The following SIX4 variants were observed in gnomAD, a reference collection of about 807,000 sequenced individuals.
SIX4 encodes the protein SIX homeobox 4, also known as homeobox protein SIX4.
SIX4 carries 23 observed loss-of-function variants against 51.5 expected under a neutral mutation model. That is an observed-to-expected ratio of 0.45 (90% confidence interval 0.32 to 0.63). The LOEUF is 0.63. Among genes scored for constraint, SIX4 ranks in the 30% least tolerant of loss-of-function variants. The pLI is 0.04. For missense variants in SIX4, 867 were observed against 984.0 expected (o/e 0.88, Z 1.59); for synonymous variants, 413 against 417.3 (o/e 0.99, Z 0.13).
In SIX4 at chr14:60,723,273, T is replaced by C. The variant is rs1311367457; in HGVS notation, c.802A>G (p.Ser268Gly). Residue 268 changes from serine (S) to glycine (G), a missense_variant, in exon 1 of 3, where the codon AGC (serine) becomes GGC (glycine). By Grantham distance (56) the Ser-to-Gly change is moderately conservative. Coordinates refer to ENST00000216513, the MANE Select transcript of SIX4 (RefSeq NM_017420.5). ...KITGLSLTQV[S>G]NWFKNRRQRD... ...TGCCGGCGGTTCTTGAACCAGTTGCTGACCTGGGTGAGGGAGAGGCCGGTG... is the reference window on the plus strand; with the variant it reads ...TGCCGGCGGTTCTTGAACCAGTTGCCGACCTGGGTGAGGGAGAGGCCGGTG... The C allele has an allele frequency of 6.2e-7, 1 of 1,611,752 alleles. No homozygotes were observed. Among genetic ancestry groups the C allele is most frequent in the African/African-American group, 1.3e-5 (1 of 74,264 alleles).
Position 60,710,977 on chromosome 14 carries a change from T to C in SIX4, c.*2430A>G, listed in dbSNP as rs1477700321. ...GAACACTGAATAAAAGAGAGGCTTATTGTATTTTCGGAAAACATATAAAAC... is the reference window on the plus strand; with the variant it reads ...GAACACTGAATAAAAGAGAGGCTTACTGTATTTTCGGAAAACATATAAAAC... On this transcript the variant is annotated 3_prime_UTR_variant, in exon 3 of 3. Coordinates refer to ENST00000216513, the MANE Select transcript of SIX4 (RefSeq NM_017420.5). 1 of 149,954 alleles carries C rather than the reference T, an allele frequency of 6.7e-6. No individual in the cohort carries two copies. The highest frequency in any genetic ancestry group is 1.5e-5 in the Non-Finnish European group (1 of 67,644). 9.3% of individuals were successfully genotyped at this position (149,954 alleles called of 1,614,324 possible).
chr14:60,718,293 G>A (rs1895956914), intron 2 of SIX4, among the ~76,000 whole-genome samples: 1 of 152,068 alleles, frequency 6.6e-6, no homozygotes. Context: ...AACTCACCCA[G>A]ACAGTCTAAG....
Position 60,723,883 on chromosome 14 carries a change from C to A in SIX4, c.192G>T (p.Arg64Ser). 1 of 1,534,080 alleles carries A rather than the reference C, an allele frequency of 6.5e-7. No individual in the cohort carries two copies. Residue 64 changes from arginine to serine, a missense_variant, in exon 1 of 3, where the codon AGG becomes AGT. Transcript: ENST00000216513. Reference sequence around the variant, plus strand: ...CCACTGCCCCTTCCTCTCCGCTCACCCTGGCGGCAGCGGTCGCGGCGTCCC... The same window carrying A: ...CCACTGCCCCTTCCTCTCCGCTCACACTGGCGGCAGCGGTCGCGGCGTCCC... ...EPGDAATAAA[R>S]VSGEEGAVAA...
chr14:60,720,949 T>C lies in SIX4; in HGVS notation c.864-504A>G. On this transcript the variant is annotated intron_variant, in intron 1 of 2. Transcript: ENST00000216513. This position sits in a 1 kb window ranked among gnomAD's most constrained non-coding sequence, Gnocchi z 5.5. ...GAAGTGCTCAGCTTTTCTTTTTTGG[T>C]CAGTTAGTTAACAAGAGATCGTTTT... The C allele has an allele frequency of 2.0e-6, 2 of 987,628 alleles. No individual in the cohort carries two copies. The highest frequency in any genetic ancestry group is 2.4e-6 in the Non-Finnish European group (2 of 831,550). The allele number at this position is 987,628 out of a possible 1,614,324, so 61.2% of individuals were successfully genotyped here.
intron 1 of SIX4, chr14:60,721,007 C>G (rs1896009434): frequency 5.1e-6 from 5 of 986,080 alleles, no homozygotes; most frequent in Middle Eastern, 5.2e-4. Flanking sequence ...CTCCACCAGA[C>G]TGACAACTCT....
At chr14:60,721,063 C>T in intron 1 of SIX4, 1 of 985,794 alleles carries the variant, frequency 1.0e-6, no homozygotes, top group Non-Finnish European at 1.2e-6. Flanking sequence ...AAGGCACTTT[C>T]AACCCAAGAA....
Position 60,717,590 on chromosome 14 carries a change from T to C in SIX4, c.1549+2170A>G, listed in dbSNP as rs1021234635. 8.5e-5 allele frequency among the ~76,000 whole-genome samples: 13 copies of C among 152,168 alleles called. No individual in the cohort carries two copies. The highest frequency in any genetic ancestry group is 1.8e-4 in the Non-Finnish European group (12 of 68,022). The stretch of plus-strand genomic sequence containing the variant: ...TTCTGAATTTGTAGAAATTATAACA[T>C]ATATAAAAGAGAATTTGATCTAAAA... On this transcript the variant is annotated intron_variant, in intron 2 of 2. Coordinates refer to ENST00000216513, the MANE Select transcript of SIX4 (RefSeq NM_017420.5). The surrounding 1 kb of genome is among the most constrained non-coding windows in gnomAD (Gnocchi z 4.6).
rs1279279586 is a variant in SIX4, at chr14:60,717,674, A to G, written c.1549+2086T>C. Among the ~76,000 whole-genome samples the G allele has an allele frequency of 1.3e-5, 2 of 152,198 alleles. No homozygotes were observed. The highest frequency in any genetic ancestry group is 2.4e-5 in the African/African-American group (1 of 41,450). ...AAATTGAACAACAATTTTAAGATAA[A>G]AAAATCCAACTGAAAAACCATATAG... is the stretch of plus-strand genomic sequence containing the variant. On this transcript the variant is annotated intron_variant, in intron 2 of 2. Coordinates refer to ENST00000216513, the MANE Select transcript of SIX4 (RefSeq NM_017420.5). The surrounding 1 kb of genome is among the most constrained non-coding windows in gnomAD (Gnocchi z 4.6).
intron 2 of SIX4, among the ~76,000 whole-genome samples, chr14:60,718,313 T>C (rs1895957251): frequency 1.3e-5 from 2 of 152,216 alleles, no homozygotes; most frequent in Non-Finnish European, 2.9e-5. Context: ...GATTTGATCT[T>C]ACTTATTTTA....
Position 60,711,461 on chromosome 14 carries a change from G to A in SIX4, c.*1946C>T, listed in dbSNP as rs1895819511. 6.6e-6 allele frequency: 1 copy of A among 152,052 alleles called. No individual in the cohort carries two copies. Among genetic ancestry groups the A allele is most frequent in the Admixed American group, 6.6e-5 (1 of 15,248 alleles). The allele number at this position is 152,052 out of a possible 1,614,324, so 9.4% of individuals were successfully genotyped here. A position where few individuals can be genotyped will look rare whatever the true frequency, so the allele number is the denominator to read the frequency against. ...TGATTGATTGACATGTAGAGAACTA[G>A]AGTGGGCCCTTTGTTCTGATCATAA... On this transcript the variant is annotated 3_prime_UTR_variant, in exon 3 of 3. Transcript: ENST00000216513.
rs769685340 is a variant in SIX4 at position 60,714,017 on chromosome 14, G to GA, written c.1735dup (p.Ser579PhefsTer19). ...ATTCTGATTGACAGGCATCAACTGA[G>GA]AAAATACCAGGCTCCTTTCCAAGCC... On this transcript the variant is annotated frameshift_variant, in exon 3 of 3. Transcript: ENST00000216513. LOFTEE classifies it high-confidence loss of function. 50 of 1,614,076 alleles carry GA rather than the reference G, an allele frequency of 3.1e-5. No homozygotes were observed. The highest frequency in any genetic ancestry group is 4.2e-5 in the Non-Finnish European group (50 of 1,180,004).
In SIX4 at chr14:60,719,365, T is replaced by G. The variant is rs1038275287; in HGVS notation, c.1549+395A>C. Among the ~76,000 whole-genome samples the G allele has an allele frequency of 6.6e-6, 1 of 152,220 alleles. No homozygotes were observed. Among genetic ancestry groups the G allele is most frequent in the African/African-American group, 2.4e-5 (1 of 41,466 alleles). On this transcript the variant is annotated intron_variant, in intron 2 of 2. Transcript: ENST00000216513. This position sits in a 1 kb window ranked among gnomAD's most constrained non-coding sequence, Gnocchi z 4.9. ...ATAAATAATGCTTAGGTAAAGTGTA[T>G]GCATTCTTACCAACTGCTAGACTAA...
Position 60,724,269 on chromosome 14 carries a change from G to T in SIX4, c.-195C>A. ...CCACGCAGTCACCATTAAGATAGCTGTTAGAGCAAAGTAGTGTAAACGGAT... is the reference window on the plus strand; with the variant it reads ...CCACGCAGTCACCATTAAGATAGCTTTTAGAGCAAAGTAGTGTAAACGGAT... On this transcript the variant is annotated 5_prime_UTR_variant, in exon 1 of 3. Transcript: ENST00000216513. 34 of 1,533,604 alleles carry T rather than the reference G, an allele frequency of 2.2e-5. No individual in the cohort carries two copies. The highest frequency in any genetic ancestry group is 2.9e-5 in the Non-Finnish European group (33 of 1,145,746). The allele number at this position is 1,533,604 out of a possible 1,614,324, so 95.0% of individuals were successfully genotyped here.
rs1896030993 is a variant in SIX4, at chr14:60,722,064, C to T, written c.863+1148G>A. ...GGAATGCGCTGGTGATCACCTTCAC[C>T]TGGCGCAGGCGGGCTGGATCCCCGG... On this transcript the variant is annotated intron_variant, in intron 1 of 2. Coordinates refer to ENST00000216513, the MANE Select transcript of SIX4 (RefSeq NM_017420.5). This position sits in a 1 kb window ranked among gnomAD's most constrained non-coding sequence, Gnocchi z 5.9. Among the ~76,000 whole-genome samples, 1 of 152,200 alleles carries T rather than the reference C, an allele frequency of 6.6e-6. No homozygotes were observed. Among genetic ancestry groups the T allele is most frequent in the Non-Finnish European group, 1.5e-5 (1 of 68,020 alleles).
intron 2 of SIX4, among the ~76,000 whole-genome samples, chr14:60,716,275 CAG>C (rs1441316566): frequency 7.1e-4 from 107 of 151,034 alleles, no homozygotes; most frequent in Middle Eastern, 3.5e-3. Context: ...TTTTTTGAGA[CAG>C]AGTCTCGCTC....
rs1035709560 is a variant in SIX4 at position 60,719,411 on chromosome 14, T to C, written c.1549+349A>G. ...ACTAATTTTGTGTTCTTAGCAATTT[T>C]ATTAATTTTTAATATTAAAATGCCA... On this transcript the variant is annotated intron_variant, in intron 2 of 2. Transcript: ENST00000216513. The surrounding 1 kb of genome is among the most constrained non-coding windows in gnomAD (Gnocchi z 4.9). Among the ~76,000 whole-genome samples, 3 of 152,254 alleles carry C rather than the reference T, an allele frequency of 2.0e-5. No individual in the cohort carries two copies. Among genetic ancestry groups the C allele is most frequent in the Non-Finnish European group, 4.4e-5 (3 of 68,044 alleles).
At position 60,720,364 on chromosome 14, in the gene SIX4, T is replaced by A; in HGVS notation, c.945A>T (p.Ser315=). 1.2e-6 allele frequency: 2 copies of A among 1,614,224 alleles called. No homozygotes were observed. The highest frequency in any genetic ancestry group is 8.5e-7 in the Non-Finnish European group (1 of 1,180,028). Residue 315 remains serine (S), a synonymous_variant, in exon 2 of 3, where the codon TCA becomes TCT. Transcript: ENST00000216513. This position sits in a 1 kb window ranked among gnomAD's most constrained non-coding sequence, Gnocchi z 5.5. ...GGCTGAGGTTGGTGATGCCATCAGATGAACTGGAGAGTGGGTGAGGAGATA... is the reference window on the plus strand; with the variant it reads ...GGCTGAGGTTGGTGATGCCATCAGAAGAACTGGAGAGTGGGTGAGGAGATA... ...EDLSPHPLSS[S]SDGITNLSLS... is the part of the protein sequence containing the mutation.
intron 1 of SIX4, 155 bp downstream of exon 1, chr14:60,723,057 C>G (rs775541160): frequency 3.8e-5 from 54 of 1,411,294 alleles, no homozygotes; most frequent in Admixed American, 6.3e-5. Context: ...CTACCTCTGC[C>G]GGCCGGGGAG....
chr14:60,722,994 G>C lies in SIX4; in HGVS notation c.863+218C>G, dbSNP rs1896053742. 2.1e-6 allele frequency: 2 copies of C among 950,400 alleles called. No individual in the cohort carries two copies. Among genetic ancestry groups the C allele is most frequent in the Non-Finnish European group, 2.9e-6 (2 of 678,042 alleles). The allele number at this position is 950,400 out of a possible 1,614,324, so 58.9% of individuals were successfully genotyped here. On this transcript the variant is annotated intron_variant, in intron 1 of 2. Coordinates refer to ENST00000216513, the MANE Select transcript of SIX4 (RefSeq NM_017420.5). This position sits in a 1 kb window ranked among gnomAD's most constrained non-coding sequence, Gnocchi z 5.9. ...GCGGGCGACCAGAAACTTCTGGGGG[G>C]AGAGGGGGAGGGTAAGGAGGGAGGT...
Sources: allele counts gnomAD v4.1 joint callset (sites outside exome capture counted in the v4.1 genomes callset), GRCh38; gene constraint gnomAD v4.1.1; non-coding constraint Gnocchi (gnomAD v3.1); transcripts MANE v1.5; gene names NCBI Gene and HGNC (gene_info 2026-07-23, HGNC 2026-07-21).